PARD3B: variants seen among roughly 807,000 people sequenced by gnomAD.
PARD3B encodes the protein par-3 family cell polarity regulator beta.
A neutral mutation model predicts 130.2 loss-of-function variants in PARD3B; 103 were observed. The ratio of observed to expected loss-of-function variants is 0.79; its 90% confidence interval spans 0.67 to 0.93. PARD3B has a LOEUF of 0.93. PARD3B is among the 40% of genes least tolerant of loss of function. The probability of loss-of-function intolerance (pLI) is 0.00; values close to 1 mark genes in which losing one functional copy is unlikely to be tolerated. For synonymous variants in PARD3B, 583 were observed against 553.2 expected, an observed-to-expected ratio of 1.05 and a Z score of -0.76; for missense variants, 1,609 against 1,499.2, an observed-to-expected ratio of 1.07 and a Z score of -1.21.
At chr2:204,953,026 GTGTGTATA>G (rs988402409) in intron 2 of PARD3B, among the ~76,000 whole-genome samples, 1 of 149,090 alleles carries the variant, frequency 6.7e-6, no homozygotes, top group East Asian at 2.0e-4. Flanking sequence ...ATATATATAT[GTGTGTATA>G]TATGTATATA....
chr2:205,212,753 A>T (rs2037710266), intron 15 of PARD3B, among the ~76,000 whole-genome samples: 1 of 152,062 alleles, frequency 6.6e-6, no homozygotes, highest in East Asian at 1.9e-4. Flanking sequence ...GGTAAAGATA[A>T]CCTCTGATGT....
chr2:205,331,687 G>A (rs369624082), intron 18 of PARD3B, among the ~76,000 whole-genome samples: 1 of 138,986 alleles, frequency 7.2e-6, no homozygotes, highest in African/African-American at 2.6e-5. Flanking sequence ...GGAGGCTGAG[G>A]CAGGAGAATT....
At chr2:204,918,391 G>A (rs111291408) in intron 2 of PARD3B, among the ~76,000 whole-genome samples, 39,543 of 151,996 alleles carry the variant, frequency 0.26, 6,228 homozygotes, top group South Asian at 0.54. Context: ...AGCACTTTGG[G>A]AGGCCGAGGC....
chr2:205,111,692 A>G (rs1703656765), intron 5 of PARD3B, among the ~76,000 whole-genome samples: 1 of 152,096 alleles, frequency 6.6e-6, no homozygotes, highest in Non-Finnish European at 1.5e-5. Flanking sequence ...TTACATATGG[A>G]TGCTATCTCT....
In PARD3B at chr2:205,403,479, T is replaced by C. The variant is rs138739829; in HGVS notation, c.2741+2356T>C. ...GCTACAGGTCTGTGACAGCTATCTTTAGTGCATATCCAGGAGGCAATTATC... is the reference window on the plus strand; with the variant it reads ...GCTACAGGTCTGTGACAGCTATCTTCAGTGCATATCCAGGAGGCAATTATC... On this transcript the variant is annotated intron_variant, in intron 19 of 22. Coordinates refer to ENST00000406610, the MANE Select transcript of PARD3B (RefSeq NM_001302769.2). Among the ~76,000 whole-genome samples the C allele has an allele frequency of 2.6e-3, 392 of 152,202 alleles. 2 individuals are homozygous for C. The highest frequency in any genetic ancestry group is 3.4e-3 in the Middle Eastern group (1 of 294).
chr2:205,182,337 T>C lies in PARD3B; in HGVS notation c.1925-3427T>C, dbSNP rs556203599. 4.1e-5 allele frequency among the ~76,000 whole-genome samples: 6 copies of C among 147,788 alleles called. No homozygotes were observed. In the South Asian group the frequency reaches 1.3e-3, roughly 32 times the overall value. On this transcript the variant is annotated intron_variant, in intron 13 of 22. Transcript: ENST00000406610. Reference sequence around the variant, plus strand: ...GTAACAAGGATAGAGAGTCAACAAATAAGATACTTACCTCAACAAACAAGG... The same window carrying C: ...GTAACAAGGATAGAGAGTCAACAAACAAGATACTTACCTCAACAAACAAGG...
chr2:205,381,791 G>A (rs1436281893), intron 18 of PARD3B, among the ~76,000 whole-genome samples: 1 of 151,912 alleles, frequency 6.6e-6, no homozygotes, highest in African/African-American at 2.4e-5. Context: ...GTTTGGGGGA[G>A]GACTGCAGTT....
chr2:204,941,799 T>G lies in PARD3B; in HGVS notation c.223-23353T>G, dbSNP rs546022853. On this transcript the variant is annotated intron_variant, in intron 2 of 22. Coordinates refer to ENST00000406610, the MANE Select transcript of PARD3B (RefSeq NM_001302769.2). ...TTCCTTGAAAACTGAATTTCATTGG[T>G]TTTTTTTAGAGTTCTCATTATTGCA... 4.6e-5 allele frequency among the ~76,000 whole-genome samples: 7 copies of G among 151,752 alleles called. No homozygotes were observed. The South Asian group carries it at 1.0e-3, about 23-fold the overall frequency.
In PARD3B at chr2:205,118,966, C is replaced by T. The variant is rs2030282367; in HGVS notation, c.726C>T (p.Ser242=). 11 of 1,611,742 alleles carry T rather than the reference C, an allele frequency of 6.8e-6. No homozygotes were observed. The East Asian group carries it at 2.2e-4, about 33-fold the overall frequency. ...GAGGCATTGAAGACAACAGCAGGTC[C>T]AAGCGGGAGGGACTATTTCACGAAA... ...FIRGIEDNSR[S]KREGLFHENE... Residue 242 remains serine (S), a synonymous_variant, in exon 7 of 23, where the codon TCC becomes TCT. Transcript: ENST00000406610.
chr2:205,267,204 CA>C (rs1049530517), intron 16 of PARD3B, among the ~76,000 whole-genome samples: 2 of 152,112 alleles, frequency 1.3e-5, no homozygotes, highest in Admixed American at 1.3e-4. Flanking sequence ...CCATTTCAGC[CA>C]ACACTGTTAA....
At chr2:204,698,233 T>G (rs2037710853) in intron 2 of PARD3B, among the ~76,000 whole-genome samples, 1 of 152,180 alleles carries the variant, frequency 6.6e-6, no homozygotes, top group African/African-American at 2.4e-5. Context: ...CTCTATTTTT[T>G]GGGCTCCTCT....
At chr2:204,999,909 G>A (rs1694681307) in intron 3 of PARD3B, among the ~76,000 whole-genome samples, 1 of 152,142 alleles carries the variant, frequency 6.6e-6, no homozygotes, top group Admixed American at 6.5e-5. Context: ...AATAGTATTG[G>A]AAAAATGATC....
intron 22 of PARD3B, among the ~76,000 whole-genome samples, chr2:205,554,060 A>G (rs1276010269): frequency 6.6e-6 from 1 of 152,224 alleles, no homozygotes; most frequent in African/African-American, 2.4e-5. Flanking sequence ...TTAGTTTGCT[A>G]TCAGTAGCAC....
Position 205,176,334 on chromosome 2 carries a change from A to G in PARD3B, c.1792-111A>G, listed in dbSNP as rs2035466303. ...TTTCCACAGTTGAGGACTTAAGTGT[A>G]ATAGACTCTTGAAAGACTATTCATA... On this transcript the variant is annotated intron_variant, in intron 12 of 22. Transcript: ENST00000406610. This position sits in a 1 kb window ranked among gnomAD's most constrained non-coding sequence, Gnocchi z 5.3. 7 of 1,099,806 alleles carry G rather than the reference A, an allele frequency of 6.4e-6. No individual in the cohort carries two copies. Among genetic ancestry groups the G allele is most frequent in the Non-Finnish European group, 8.9e-6 (7 of 790,564 alleles). 68.1% of individuals were successfully genotyped at this position (1,099,806 alleles called of 1,614,324 possible). A position where few individuals can be genotyped will look rare whatever the true frequency, so the allele number is the denominator to read the frequency against.
intron 2 of PARD3B, among the ~76,000 whole-genome samples, chr2:204,745,407 C>CTTTTTTTTTTTTTTTT (rs71032405): frequency 2.1e-5 from 3 of 140,994 alleles, no homozygotes; most frequent in Non-Finnish European, 3.1e-5. Context: ...TAAATACTAC[C>CTTTTTTTTTTTTTTTT]TTTTTTTTTT....
intron 21 of PARD3B, among the ~76,000 whole-genome samples, chr2:205,508,140 A>G (rs2050446546): frequency 6.6e-6 from 1 of 152,216 alleles, no homozygotes; most frequent in Non-Finnish European, 1.5e-5. Flanking sequence ...GAATTATTTG[A>G]AAGGACTAAA....
chr2:205,416,510 G>A (rs2046781060), intron 19 of PARD3B, among the ~76,000 whole-genome samples: 1 of 152,108 alleles, frequency 6.6e-6, no homozygotes, highest in Admixed American at 6.6e-5. Flanking sequence ...GAACACCTGT[G>A]GGGAAGGCAC....
chr2:205,607,575 A>C (rs1033236758), intron 22 of PARD3B, among the ~76,000 whole-genome samples: 10 of 152,158 alleles, frequency 6.6e-5, no homozygotes, highest in Non-Finnish European at 1.3e-4. Flanking sequence ...AATCCGTCAA[A>C]TGGAGGAAAC....
chr2:205,396,333 G>T (rs2105995224), intron 18 of PARD3B, among the ~76,000 whole-genome samples: 1 of 152,236 alleles, frequency 6.6e-6, no homozygotes, highest in Non-Finnish European at 1.5e-5. Context: ...GATATTGTGT[G>T]GTTTTGTATG....
Sources: gnomAD v4.1 joint callset for allele counts (sites outside exome capture counted in the v4.1 genomes callset) on GRCh38, gnomAD v4.1.1 for gene constraint, Gnocchi (gnomAD v3.1) non-coding constraint, MANE v1.5 for transcripts, NCBI Gene and HGNC (gene_info 2026-07-23, HGNC 2026-07-21) for gene names.